Variants in CRTC3 observed in about 807,000 individuals in gnomAD.
CRTC3 encodes the protein CREB regulated transcription coactivator 3.
A neutral mutation model predicts 74.5 loss-of-function variants in CRTC3; 26 were observed. The observed-to-expected ratio is 0.35, with a 90% confidence interval of 0.26 to 0.48. The LOEUF is 0.48. Ranked by LOEUF, CRTC3 falls within the 20% of genes least tolerant of loss-of-function variation. The probability of loss-of-function intolerance (pLI) is 0.99; values close to 1 mark genes in which losing one functional copy is unlikely to be tolerated. For synonymous variants in CRTC3, 377 were observed against 325.8 expected, an observed-to-expected ratio of 1.16 and a Z score of -1.69; for missense variants, 760 against 787.3, an observed-to-expected ratio of 0.97 and a Z score of 0.41.
At chr15:90,625,236 T>C (rs1968791175) in intron 9 of CRTC3, among the ~76,000 whole-genome samples, 1 of 152,248 alleles carries the variant, frequency 6.6e-6, no homozygotes, top group South Asian at 2.1e-4. Context: ...TCGCCCTGCT[T>C]GTTCATCATG....
intron 5 of CRTC3, among the ~76,000 whole-genome samples, chr15:90,605,545 G>T (rs773556122): frequency 6.6e-6 from 1 of 152,136 alleles, no homozygotes; most frequent in African/African-American, 2.4e-5. Flanking sequence ...ATGCCTGGTC[G>T]GTATTTAGAT....
At chr15:90,608,389 C>T (rs1339523711) in intron 6 of CRTC3, among the ~76,000 whole-genome samples, 1 of 152,182 alleles carries the variant, frequency 6.6e-6, no homozygotes, top group Non-Finnish European at 1.5e-5. Flanking sequence ...CCGCCTCACA[C>T]CCAAGGTAGC....
intron 9 of CRTC3, chr15:90,620,037 A>C: frequency 4.4e-6 from 2 of 458,074 alleles, no homozygotes; most frequent in African/African-American, 2.0e-5. Flanking sequence ...CACACAACTG[A>C]CTCTTGGTAA....
chr15:90,630,091 A>G (rs1968983226), intron 11 of CRTC3, among the ~76,000 whole-genome samples: 2 of 152,194 alleles, frequency 1.3e-5, no homozygotes, highest in Admixed American at 6.5e-5. Flanking sequence ...GCAAATGTTG[A>G]ACAATCTGTA....
At chr15:90,628,192 G>A (rs1016355406) in intron 10 of CRTC3, among the ~76,000 whole-genome samples, 3 of 151,626 alleles carry the variant, frequency 2.0e-5, no homozygotes, top group African/African-American at 7.3e-5. Context: ...ACTCCAGCCT[G>A]GGTGACAGAG....
chr15:90,573,600 A>G (rs192474657), intron 2 of CRTC3, among the ~76,000 whole-genome samples: 38 of 151,812 alleles, frequency 2.5e-4, no homozygotes, highest in African/African-American at 9.2e-4. Flanking sequence ...TTCTTGAATA[A>G]TTTCTTTTTT....
In CRTC3 at chr15:90,530,085, C is replaced by T. The variant is rs1479261643; in HGVS notation, c.14C>T (p.Pro5Leu). The T allele has an allele frequency of 7.0e-7, 1 of 1,438,304 alleles. No homozygotes were observed. The allele number at this position is 1,438,304 out of a possible 1,614,324, so 89.1% of individuals were successfully genotyped here. MAAS[P>L]GSGSANPRKF... ...AGAGTCCGCGCCATGGCCGCCTCGC[C>T]GGGCTCGGGCAGCGCCAACCCGCGG... Residue 5 changes from proline to leucine, a missense_variant, in exon 1 of 15, where the codon CCG (proline) becomes CTG (leucine). By Grantham distance (98) the Pro-to-Leu change is moderately conservative. Coordinates refer to ENST00000268184, the MANE Select transcript of CRTC3 (RefSeq NM_022769.5). This position sits in a 1 kb window ranked among gnomAD's most constrained non-coding sequence, Gnocchi z 6.2.
chr15:90,568,943 T>C (rs1373722170), intron 2 of CRTC3, among the ~76,000 whole-genome samples: 1 of 152,142 alleles, frequency 6.6e-6, no homozygotes, highest in Non-Finnish European at 1.5e-5. Context: ...TGCATAATGC[T>C]ATTGCACACT....
intron 11 of CRTC3, among the ~76,000 whole-genome samples, chr15:90,631,507 C>G (rs949704477): frequency 6.6e-5 from 10 of 152,044 alleles, no homozygotes; most frequent in Admixed American, 2.0e-4. Flanking sequence ...GCAGACGGAT[C>G]ACTTGAGGGT....
rs1967358995 is a variant in CRTC3, at chr15:90,574,574, A to G, written c.232-19062A>G. ...GTATAGCTGCAAGAAAAATGACTAG[A>G]AGTGAAGTTGCTGGGGCACAAGCAT... is the stretch of plus-strand genomic sequence containing the variant. On this transcript the variant is annotated intron_variant, in intron 2 of 14. Transcript: ENST00000268184. Among the ~76,000 whole-genome samples, 3 of 152,234 alleles carry G rather than the reference A, an allele frequency of 2.0e-5. No homozygotes were observed. The South Asian group carries it at 6.2e-4, about 31-fold the overall frequency.
Position 90,645,101 on chromosome 15 carries a change from T to C in CRTC3, c.*2961T>C, listed in dbSNP as rs922399830. ...AGTCCATATGCGTATTTGCAGACCT[T>C]TCCTGTTCCCACTCTTGTTGGCTCT... On this transcript the variant is annotated 3_prime_UTR_variant, in exon 15 of 15. Coordinates refer to ENST00000268184, the MANE Select transcript of CRTC3 (RefSeq NM_022769.5). The C allele has an allele frequency of 4.3e-6, 1 of 230,290 alleles. No homozygotes were observed. The highest frequency in any genetic ancestry group is 8.6e-6 in the Non-Finnish European group (1 of 116,116). The allele number at this position is 230,290 out of a possible 1,614,324, so 14.3% of individuals were successfully genotyped here.
At chr15:90,571,677 A>T (rs1379028736) in intron 2 of CRTC3, among the ~76,000 whole-genome samples, 1 of 152,148 alleles carries the variant, frequency 6.6e-6, no homozygotes, top group Non-Finnish European at 1.5e-5. Flanking sequence ...ATGAAACATG[A>T]AAAGTAAAAG....
At chr15:90,545,921 G>T (rs1966843600) in intron 2 of CRTC3, among the ~76,000 whole-genome samples, 1 of 152,152 alleles carries the variant, frequency 6.6e-6, no homozygotes, top group African/African-American at 2.4e-5. Context: ...TTAATCAGTT[G>T]TGAGAGTTGT....
At chr15:90,574,201 G>A (rs550357792) in intron 2 of CRTC3, among the ~76,000 whole-genome samples, 10 of 152,144 alleles carry the variant, frequency 6.6e-5, no homozygotes, top group African/African-American at 1.9e-4. Flanking sequence ...CTTATTGGCC[G>A]GGCGTGGTGG....
intron 7 of CRTC3, among the ~76,000 whole-genome samples, chr15:90,615,110 A>G (rs966635855): frequency 5.9e-5 from 9 of 152,184 alleles, no homozygotes; most frequent in Non-Finnish European, 1.3e-4. Flanking sequence ...TGATCACTTA[A>G]ACAATTAGTT....
At position 90,552,774 on chromosome 15, in the gene CRTC3, T is replaced by C. The variant is rs182508908; in HGVS notation, c.231+12637T>C. Among the ~76,000 whole-genome samples, 9 of 152,236 alleles carry C rather than the reference T, an allele frequency of 5.9e-5. No individual in the cohort carries two copies. The East Asian group carries it at 1.5e-3, about 26-fold the overall frequency. On this transcript the variant is annotated intron_variant, in intron 2 of 14. Transcript: ENST00000268184. Reference sequence around the variant, plus strand: ...TGACCAAGGGGGTTTTGGAGCTGGATTGTGTTAAGGGAACTGGGGTGTAAA... The same window carrying C: ...TGACCAAGGGGGTTTTGGAGCTGGACTGTGTTAAGGGAACTGGGGTGTAAA...
intron 6 of CRTC3, chr15:90,614,210 A>G: frequency 4.5e-6 from 2 of 449,076 alleles, no homozygotes; most frequent in Non-Finnish European, 8.0e-6. Context: ...CAGTGACAGT[A>G]AGAAAATTTC....
chr15:90,635,585 C>A (rs909042823), intron 11 of CRTC3, among the ~76,000 whole-genome samples: 6 of 152,154 alleles, frequency 3.9e-5, no homozygotes, highest in Non-Finnish European at 7.4e-5. Context: ...GTGGAGGTTG[C>A]AGTGAGCCAA....
intron 2 of CRTC3, among the ~76,000 whole-genome samples, chr15:90,557,067 G>A (rs1214223787): frequency 6.7e-6 from 1 of 150,340 alleles, no homozygotes; most frequent in Non-Finnish European, 1.5e-5. Flanking sequence ...ACAGATGTTT[G>A]CCCCTTACTT....
Sources: allele counts gnomAD v4.1 joint callset (sites outside exome capture counted in the v4.1 genomes callset), GRCh38; gene constraint gnomAD v4.1.1; non-coding constraint Gnocchi (gnomAD v3.1); transcripts MANE v1.5; gene names NCBI Gene and HGNC (gene_info 2026-07-23, HGNC 2026-07-21).